Variants in ZCCHC4 observed in about 807,000 individuals in gnomAD.
ZCCHC4 encodes zinc finger CCHC-type containing 4, also known as rRNA N(6)-adenosine-methyltransferase ZCCHC4.
ZCCHC4 carries 54 observed loss-of-function variants against 67.7 expected under a neutral mutation model. The ratio of observed to expected loss-of-function variants is 0.80; its 90% CI spans 0.64 to 1.00. The LOEUF (loss-of-function observed/expected upper bound fraction) is 1.00, where lower values mean the gene tolerates loss of function less well. ZCCHC4 is among the 50% of genes least tolerant of loss of function. The pLI is 0.00. For synonymous variants in ZCCHC4, 198 were observed against 213.5 expected (o/e 0.93, Z 0.63); for missense variants, 609 against 617.0 (o/e 0.99, Z 0.14).
intron 3 of ZCCHC4, among the ~76,000 whole-genome samples, chr4:25,330,488 C>T (rs960394117): frequency 2.0e-5 from 3 of 152,212 alleles, no homozygotes; most frequent in African/African-American, 7.2e-5. Flanking sequence ...TAGCAAACTA[C>T]TACCTGTAGC....
rs545013873 is a variant in ZCCHC4 at position 25,315,390 on chromosome 4, T to G, written c.319T>G (p.Cys107Gly). Residue 107 changes from cysteine to glycine, a missense_variant, in exon 3 of 13, where the codon TGT becomes GGT. Physicochemically the swap from Cys to Gly is radical, Grantham distance 159 (BLOSUM62 -3). Transcript: ENST00000302874. ...TCAGCCTCCCCTGTCCCGAACGCAG[T>G]GTGTGGAAAGGTACTGATGCAGTGT... Reference protein sequence around the residue: ...RCQPPLSRTQCVERYLKFIEL... With the variant: ...RCQPPLSRTQGVERYLKFIEL... 29 of 1,611,758 alleles carry G rather than the reference T, an allele frequency of 1.8e-5. 1 individual carries two copies. The South Asian group carries it at 3.1e-4, about 17-fold the overall frequency.
chr4:25,333,856 G>A, intron 4 of ZCCHC4, 52 bp from the exon 5 acceptor site: 1 of 1,243,182 alleles, frequency 8.0e-7, no homozygotes, highest in Non-Finnish European at 1.1e-6. Context: ...TTTGTTTATT[G>A]TCTATGACAT....
chr4:25,323,074 G>C (rs914094467), intron 3 of ZCCHC4, among the ~76,000 whole-genome samples: 1 of 152,112 alleles, frequency 6.6e-6, no homozygotes, highest in African/African-American at 2.4e-5. Flanking sequence ...GATTAATCAC[G>C]TGTTCAGGTA....
At chr4:25,349,729 T>A in intron 7 of ZCCHC4, 87 bp downstream of exon 7, 1 of 1,366,900 alleles carries the variant, frequency 7.3e-7, no homozygotes. Flanking sequence ...ATCAGAGCAG[T>A]GATAGAATAT....
intron 8 of ZCCHC4, among the ~76,000 whole-genome samples, chr4:25,357,137 G>A (rs1720550698): frequency 6.6e-6 from 1 of 152,130 alleles, no homozygotes. Flanking sequence ...TCTATTCTCT[G>A]AAGCAATAAA....
chr4:25,368,531 G>A (rs547083682), intron 12 of ZCCHC4, among the ~76,000 whole-genome samples: 8 of 152,152 alleles, frequency 5.3e-5, no homozygotes, highest in African/African-American at 9.7e-5. Context: ...TTTTAGATCC[G>A]CTGAGGAAAG....
At chr4:25,335,218 T>TG (rs1297629537) in intron 5 of ZCCHC4, among the ~76,000 whole-genome samples, 4 of 152,112 alleles carry the variant, frequency 2.6e-5, no homozygotes, top group African/African-American at 9.7e-5. Context: ...AGGCCAAGGC[T>TG]GGCAGATCAC....
At chr4:25,358,925 G>A (rs562092095) in intron 8 of ZCCHC4, among the ~76,000 whole-genome samples, 3 of 152,320 alleles carry the variant, frequency 2.0e-5, no homozygotes, top group South Asian at 2.1e-4. Context: ...ACAATTCCTC[G>A]AGTCTTTTTC....
intron 5 of ZCCHC4, among the ~76,000 whole-genome samples, chr4:25,340,881 A>C (rs945755228): frequency 9.2e-5 from 14 of 152,218 alleles, no homozygotes; most frequent in Admixed American, 3.9e-4. Flanking sequence ...TTCACTTACA[A>C]GTGGATTTTC....
At chr4:25,316,204 C>T (rs1560395558) in intron 3 of ZCCHC4, among the ~76,000 whole-genome samples, 1 of 152,194 alleles carries the variant, frequency 6.6e-6, no homozygotes, top group Non-Finnish European at 1.5e-5. Flanking sequence ...GTCTATACCA[C>T]AGTTTAAAAA....
intron 9 of ZCCHC4, 59 bp downstream of exon 9, chr4:25,362,039 C>G (rs1454910206): frequency 7.0e-6 from 11 of 1,565,602 alleles, no homozygotes; most frequent in Non-Finnish European, 7.8e-6. Flanking sequence ...TTACATATAT[C>G]CATCAGTCAA....
chr4:25,315,551 T>C, intron 3 of ZCCHC4, 151 bp downstream of exon 3: 1 of 558,852 alleles, frequency 1.8e-6, no homozygotes, highest in Non-Finnish European at 2.9e-6. Flanking sequence ...CATTTTCAAG[T>C]GTGCAATTCA....
At position 25,357,481 on chromosome 4, in the gene ZCCHC4, G is replaced by A. The variant is rs1560415304; in HGVS notation, c.1012-4378G>A. Among the ~76,000 whole-genome samples, 5 of 152,162 alleles carry A rather than the reference G, an allele frequency of 3.3e-5. No homozygotes were observed. In the South Asian group the frequency reaches 8.3e-4, roughly 25 times the overall value. On this transcript the variant is annotated intron_variant, in intron 8 of 12. Transcript: ENST00000302874. The stretch of plus-strand genomic sequence containing the variant: ...TACTGACAGCCAGAAACCCTTAGGG[G>A]CTTTTCCACAGTGTCCCTTGGGTCT...
At chr4:25,331,653 A>C (rs926560077) in intron 3 of ZCCHC4, among the ~76,000 whole-genome samples, 1 of 152,160 alleles carries the variant, frequency 6.6e-6, no homozygotes, top group South Asian at 2.1e-4. Flanking sequence ...TAGTAAATTC[A>C]GTGTTTCTGT....
At chr4:25,365,684 T>C in intron 12 of ZCCHC4, 1 of 985,080 alleles carries the variant, frequency 1.0e-6, no homozygotes, top group Non-Finnish European at 1.2e-6. Flanking sequence ...TTTTATTACT[T>C]TTTTTCCTGT....
At chr4:25,353,266 A>T (rs1720384615) in intron 8 of ZCCHC4, among the ~76,000 whole-genome samples, 1 of 152,194 alleles carries the variant, frequency 6.6e-6, no homozygotes, top group Admixed American at 6.5e-5. Context: ...TCCAAAACTG[A>T]GATTACTTTA....
chr4:25,355,545 A>G (rs1560414574), intron 8 of ZCCHC4, among the ~76,000 whole-genome samples: 1 of 152,132 alleles, frequency 6.6e-6, no homozygotes, highest in Non-Finnish European at 1.5e-5. Flanking sequence ...TCTTGTATGT[A>G]CTTAATATGG....
intron 3 of ZCCHC4, among the ~76,000 whole-genome samples, chr4:25,317,966 A>G (rs1718360421): frequency 6.6e-6 from 1 of 152,176 alleles, no homozygotes; most frequent in Admixed American, 6.5e-5. Flanking sequence ...ATAGTGATTT[A>G]ATTTGAGGAT....
chr4:25,345,743 A>C, intron 6 of ZCCHC4, 123 bp downstream of exon 6: 1 of 651,622 alleles, frequency 1.5e-6, no homozygotes, highest in East Asian at 2.8e-5. Context: ...CCATTTACTG[A>C]TATTTATTTT....
Sources: allele counts gnomAD v4.1 joint callset (sites outside exome capture counted in the v4.1 genomes callset), GRCh38; gene constraint gnomAD v4.1.1; transcripts MANE v1.5; gene names NCBI Gene and HGNC (gene_info 2026-07-23, HGNC 2026-07-21).